Variants in VRK2 observed in about 807,000 individuals in gnomAD.
VRK2 encodes serine/threonine-protein kinase VRK2.
VRK2 carries 60 observed loss-of-function variants against 57.6 expected under a neutral mutation model. The observed-to-expected ratio is 1.04, with a 90% CI of 0.85 to 1.29. The LOEUF is 1.29. Ranked by LOEUF, VRK2 falls within the 50% of genes most tolerant of loss-of-function variation. The pLI, the probability that VRK2 is intolerant of heterozygous loss-of-function variation, is 0.00. For missense variants in VRK2, 705 were observed against 588.1 expected (o/e 1.20, Z -2.06); for synonymous variants, 231 against 199.2 (o/e 1.16, Z -1.35).
chr2:57,953,480 G>A (rs1011152586), intron 1 of VRK2, among the ~76,000 whole-genome samples: 3 of 152,100 alleles, frequency 2.0e-5, no homozygotes, highest in Non-Finnish European at 2.9e-5. Flanking sequence ...ATCACTTTGC[G>A]TGTATCCCAT....
intron 2 of VRK2, among the ~76,000 whole-genome samples, chr2:58,056,620 A>G (rs998644357): frequency 6.6e-6 from 1 of 151,830 alleles, no homozygotes. Context: ...TACTCACCCC[A>G]CTTCCTCTCA....
chr2:57,980,013 T>C (rs991271615), intron 1 of VRK2, among the ~76,000 whole-genome samples: 14 of 152,158 alleles, frequency 9.2e-5, no homozygotes, highest in Admixed American at 5.2e-4. Context: ...ACTTTTTCCA[T>C]GAATCTTTGC....
chr2:58,110,446 A>G (rs769011171), intron 7 of VRK2, among the ~76,000 whole-genome samples: 7 of 152,370 alleles, frequency 4.6e-5, no homozygotes, highest in Non-Finnish European at 1.0e-4. Flanking sequence ...GGAATGAAGC[A>G]GCAGCATGTT....
intron 1 of VRK2, among the ~76,000 whole-genome samples, chr2:57,955,684 A>T (rs572728609): frequency 5.9e-5 from 9 of 152,168 alleles, no homozygotes; most frequent in Non-Finnish European, 1.2e-4. Flanking sequence ...GGTGCAGCAA[A>T]CCACCACCAC....
At chr2:58,010,753 T>C (rs1673394257) in intron 1 of VRK2, among the ~76,000 whole-genome samples, 1 of 152,152 alleles carries the variant, frequency 6.6e-6, no homozygotes, top group African/African-American at 2.4e-5. Context: ...GCACTCCTTA[T>C]CTATTAACAA....
At chr2:57,933,523 T>C (rs1255411774) in intron 1 of VRK2, among the ~76,000 whole-genome samples, 2 of 151,616 alleles carry the variant, frequency 1.3e-5, no homozygotes, top group African/African-American at 2.4e-5. Flanking sequence ...CTGGCCAGGA[T>C]AGTCTCGATT....
intron 3 of VRK2, among the ~76,000 whole-genome samples, chr2:58,038,419 T>G (rs1558553409): frequency 6.6e-6 from 1 of 152,132 alleles, no homozygotes; most frequent in Non-Finnish European, 1.5e-5. Flanking sequence ...TGGACTAACA[T>G]GAGCACACAC....
At chr2:58,132,284 A>G (rs1411803778) in intron 9 of VRK2, among the ~76,000 whole-genome samples, 1 of 152,202 alleles carries the variant, frequency 6.6e-6, no homozygotes, top group Non-Finnish European at 1.5e-5. Context: ...TACGATTGAT[A>G]TTAACTGTGT....
At chr2:57,947,157 A>T (rs1267799544) in intron 1 of VRK2, among the ~76,000 whole-genome samples, 1 of 152,194 alleles carries the variant, frequency 6.6e-6, no homozygotes, top group East Asian at 1.9e-4. Context: ...GCATTTATTA[A>T]GTAAACAAAA....
chr2:58,023,807 T>A (rs1374158480), intron 1 of VRK2, among the ~76,000 whole-genome samples: 1 of 152,044 alleles, frequency 6.6e-6, no homozygotes, highest in East Asian at 1.9e-4. Context: ...CTAAGATGGG[T>A]CAGCTGGAAA....
At chr2:58,141,392 T>G (rs968286335) in intron 11 of VRK2, among the ~76,000 whole-genome samples, 4 of 152,024 alleles carry the variant, frequency 2.6e-5, no homozygotes, top group African/African-American at 9.7e-5. Flanking sequence ...GGGTGTTTGT[T>G]GTGAAACCAT....
intron 1 of VRK2, among the ~76,000 whole-genome samples, chr2:57,968,658 C>A (rs1572917501): frequency 6.6e-6 from 1 of 151,954 alleles, no homozygotes; most frequent in Non-Finnish European, 1.5e-5. Context: ...CTTTTTCACA[C>A]ACGGAAAAAT....
intron 2 of VRK2, among the ~76,000 whole-genome samples, chr2:58,028,053 T>C (rs1207371652): frequency 6.6e-6 from 1 of 152,224 alleles, no homozygotes; most frequent in Non-Finnish European, 1.5e-5. Flanking sequence ...CAATCTGTTA[T>C]AAAATAGACT....
At chr2:58,082,570 C>G (rs1360259267) in intron 2 of VRK2, among the ~76,000 whole-genome samples, 1 of 151,822 alleles carries the variant, frequency 6.6e-6, no homozygotes, top group Non-Finnish European at 1.5e-5. Flanking sequence ...AAGGTTTTCT[C>G]ACCACTTCTT....
chr2:57,929,058 C>G (rs372314695), intron 1 of VRK2, among the ~76,000 whole-genome samples: 4 of 152,158 alleles, frequency 2.6e-5, no homozygotes, highest in African/African-American at 9.7e-5. Flanking sequence ...CACTGCCTGG[C>G]TACCACCTAT....
intron 1 of VRK2, among the ~76,000 whole-genome samples, chr2:57,945,541 G>A (rs1671237113): frequency 1.3e-5 from 2 of 152,136 alleles, no homozygotes; most frequent in South Asian, 4.1e-4. Context: ...TTCTCATCAT[G>A]CTATTCACTC....
intron 7 of VRK2, among the ~76,000 whole-genome samples, chr2:58,093,440 T>C (rs1215924697): frequency 8.5e-5 from 13 of 152,060 alleles, no homozygotes; most frequent in South Asian, 4.1e-4. Flanking sequence ...TTTCATGTGT[T>C]TTTTGGCTGC....
intron 1 of VRK2, among the ~76,000 whole-genome samples, chr2:57,943,306 C>T (rs942338790): frequency 6.6e-6 from 1 of 152,332 alleles, no homozygotes. Flanking sequence ...AACTTCATTA[C>T]TTGCCAATTT....
rs779486131 is a variant in VRK2 at position 58,142,324 on chromosome 2, GT to G, written c.1023+2506del. On this transcript the variant is annotated intron_variant, in intron 11 of 12. Coordinates refer to ENST00000340157, the MANE Select transcript of VRK2 (RefSeq NM_006296.7). ...ACATCACCTTTTTGCAAAAGAAAAA[GT>G]TTTTTTTTTTTTTCCAATACTGGAT... Among the ~76,000 whole-genome samples, 156 of 141,528 alleles carry G rather than the reference GT, an allele frequency of 1.1e-3. 1 individual carries two copies. The highest frequency in any genetic ancestry group is 3.0e-3 in the South Asian group (13 of 4,392). The allele number at this position is 141,528 out of a possible 152,430, so 92.8% of individuals were successfully genotyped here. A position where few individuals can be genotyped will look rare whatever the true frequency, so the allele number is the denominator to read the frequency against.
Sources: allele counts gnomAD v4.1 joint callset (sites outside exome capture counted in the v4.1 genomes callset), GRCh38; gene constraint gnomAD v4.1.1; transcripts MANE v1.5; gene names NCBI Gene and HGNC (gene_info 2026-07-23, HGNC 2026-07-21).